The following FAT3 variants were observed in gnomAD, a reference collection of about 807,000 sequenced individuals.
FAT3 encodes protocadherin Fat 3.
In FAT3, 95 loss-of-function variants were observed where a neutral mutation model predicts 310.2. That is an observed-to-expected ratio of 0.31 (90% CI 0.26 to 0.36). FAT3 has a LOEUF of 0.36. FAT3 is among the 10% of genes least tolerant of loss of function. The pLI is 1.00. For missense variants in FAT3, 5,408 were observed against 5,715.6 expected (o/e 0.95, Z 1.74); for synonymous variants, 2,314 against 2,192.9 (o/e 1.06, Z -1.54).
At chr11:92,606,417 T>G (rs1940300069) in intron 3 of FAT3, among the ~76,000 whole-genome samples, 1 of 152,138 alleles carries the variant, frequency 6.6e-6, no homozygotes, top group Admixed American at 6.5e-5. Flanking sequence ...GTTAGGGAGC[T>G]GGCACCCTTT....
chr11:92,582,113 G>C (rs146882878), intron 3 of FAT3, among the ~76,000 whole-genome samples: 45 of 151,884 alleles, frequency 3.0e-4, no homozygotes, highest in African/African-American at 1.0e-3. Context: ...TCTGTTAACG[G>C]TCATGGCACT....
chr11:92,429,184 G>T (rs1950707698), intron 2 of FAT3, among the ~76,000 whole-genome samples: 1 of 152,064 alleles, frequency 6.6e-6, no homozygotes, highest in African/African-American at 2.4e-5. Flanking sequence ...TGTTTTATCA[G>T]AGACTAGGAT....
At chr11:92,698,212 A>T (rs952319379) in intron 4 of FAT3, among the ~76,000 whole-genome samples, 4 of 152,142 alleles carry the variant, frequency 2.6e-5, no homozygotes, top group Admixed American at 2.0e-4. Context: ...TTAGTTCCTA[A>T]GAATCACTTT....
chr11:92,836,837 T>G, intron 16 of FAT3, 134 bp downstream of exon 16: 1 of 1,012,790 alleles, frequency 9.9e-7, no homozygotes, highest in South Asian at 1.9e-5. Flanking sequence ...TGGGCTAAAA[T>G]GCAGCATGAA....
intron 3 of FAT3, among the ~76,000 whole-genome samples, chr11:92,587,483 A>G (rs748496341): frequency 6.6e-6 from 1 of 152,082 alleles, no homozygotes; most frequent in African/African-American, 2.4e-5. Flanking sequence ...CTTTTGATAA[A>G]TGTCACCAAA....
chr11:92,480,702 T>A (rs1363386892), intron 2 of FAT3, among the ~76,000 whole-genome samples: 1 of 152,138 alleles, frequency 6.6e-6, no homozygotes, highest in Non-Finnish European at 1.5e-5. Context: ...CAATGCACAT[T>A]TTTTTTGTGT....
At chr11:92,707,674 C>T (rs1480500335) in intron 4 of FAT3, among the ~76,000 whole-genome samples, 1 of 152,176 alleles carries the variant, frequency 6.6e-6, no homozygotes, top group Non-Finnish European at 1.5e-5. Context: ...ACTCTCTGCC[C>T]TTTACTTCCA....
chr11:92,574,552 C>T (rs910919729), intron 3 of FAT3, among the ~76,000 whole-genome samples: 1 of 152,056 alleles, frequency 6.6e-6, no homozygotes, highest in African/African-American at 2.4e-5. Flanking sequence ...CTCACCAGTC[C>T]CCATAACAGG....
chr11:92,279,871 C>G (rs1946378776), intron 1 of FAT3, among the ~76,000 whole-genome samples: 1 of 152,062 alleles, frequency 6.6e-6, no homozygotes. Flanking sequence ...GATAAGATAA[C>G]TGAGGTTCAG....
chr11:92,549,063 A>G (rs678180), intron 3 of FAT3, among the ~76,000 whole-genome samples: 146,722 of 152,272 alleles, frequency 0.96, 70,909 homozygotes, highest in East Asian at 1. Context: ...TTCTAAAGCT[A>G]TATAAGCCTG....
At position 92,346,345 on chromosome 11, in the gene FAT3, G is replaced by A. The variant is rs1233394807; in HGVS notation, c.-17-5751G>A. 4.6e-5 allele frequency among the ~76,000 whole-genome samples: 7 copies of A among 152,202 alleles called. No homozygotes were observed. In the South Asian group the frequency reaches 8.3e-4, roughly 18 times the overall value. On this transcript the variant is annotated intron_variant, in intron 1 of 27. Transcript: ENST00000525166. ...TAGCTCTAAGGAGTAGTTCCCTAAC[G>A]CAGCTGTAGCTTTTGGAGTTTGAAA...
In FAT3 at chr11:92,838,940, T is replaced by G. The variant is rs563340367; in HGVS notation, c.10368+1134T>G. On this transcript the variant is annotated intron_variant, in intron 17 of 27. Coordinates refer to ENST00000525166, the MANE Select transcript of FAT3 (RefSeq NM_001367949.2). ...TTTTCTCCTCCTCTCTGATGCTTTT[T>G]CCAGCAGCTCTGCATTCTCACCACA... Among the ~76,000 whole-genome samples the G allele has an allele frequency of 7.2e-5, 11 of 152,248 alleles. No homozygotes were observed. The South Asian group carries it at 1.7e-3, about 23-fold the overall frequency.
chr11:92,298,489 A>G (rs1032134520), intron 1 of FAT3, among the ~76,000 whole-genome samples: 1 of 152,088 alleles, frequency 6.6e-6, no homozygotes, highest in African/African-American at 2.4e-5. Context: ...TTCCAAACTA[A>G]TATTTAAAAA....
chr11:92,240,006 A>G (rs1864609042), intron 1 of FAT3, among the ~76,000 whole-genome samples: 3 of 152,110 alleles, frequency 2.0e-5, no homozygotes, highest in Admixed American at 2.0e-4. Flanking sequence ...CAGAATCACT[A>G]AGGTAAGAGT....
chr11:92,697,326 A>G (rs930262953), intron 3 of FAT3, 58 bp from the exon 4 acceptor site: 41 of 1,522,072 alleles, frequency 2.7e-5, no homozygotes, highest in Non-Finnish European at 3.5e-5. Flanking sequence ...GTTTCCCCAC[A>G]CTCAGTAAGC....
chr11:92,812,612 A>T (rs1258836122), intron 13 of FAT3, among the ~76,000 whole-genome samples: 3 of 152,048 alleles, frequency 2.0e-5, no homozygotes, highest in Admixed American at 2.0e-4. Context: ...GAAACAAGGA[A>T]AGAAAAAAAA....
intron 23 of FAT3, among the ~76,000 whole-genome samples, chr11:92,881,643 A>G (rs868278113): frequency 2.0e-5 from 3 of 152,230 alleles, no homozygotes; most frequent in Non-Finnish European, 4.4e-5. Context: ...GTTTGGCTAC[A>G]TTTTAAAAGG....
chr11:92,549,500 A>G (rs1340225661), intron 3 of FAT3, among the ~76,000 whole-genome samples: 2 of 152,192 alleles, frequency 1.3e-5, no homozygotes, highest in African/African-American at 4.8e-5. Flanking sequence ...TGGAAGATGG[A>G]TTATGCAGTG....
chr11:92,720,041 TTC>T (rs1276500779), intron 4 of FAT3, among the ~76,000 whole-genome samples: 1 of 152,148 alleles, frequency 6.6e-6, no homozygotes, highest in East Asian at 1.9e-4. Context: ...CTGGATTTTT[TTC>T]TATACCACAG....
Sources: allele counts gnomAD v4.1 joint callset (sites outside exome capture counted in the v4.1 genomes callset), GRCh38; gene constraint gnomAD v4.1.1; transcripts MANE v1.5; gene names NCBI Gene and HGNC (gene_info 2026-07-23, HGNC 2026-07-21).